SLC6A16: variants seen among roughly 807,000 people sequenced by gnomAD.
SLC6A16 encodes the protein orphan sodium- and chloride-dependent neurotransmitter transporter NTT5.
SLC6A16 carries 54 observed loss-of-function variants against 65.4 expected under a neutral mutation model. That is an observed-to-expected ratio of 0.83 (90% CI 0.66 to 1.04). SLC6A16 has a LOEUF of 1.04. Ranked by LOEUF, SLC6A16 falls within the 50% of genes least tolerant of loss-of-function variation. The probability of loss-of-function intolerance (pLI) is 0.00; values close to 1 mark genes in which losing one functional copy is unlikely to be tolerated. For missense variants in SLC6A16, 816 were observed against 914.0 expected (o/e 0.89, Z 1.38); for synonymous variants, 330 against 346.5 (o/e 0.95, Z 0.53).
At chr19:49,339,148 A>G in the SLC6A16 span, among the ~76,000 whole-genome samples, 36 of 152,176 alleles carry the variant, frequency 2.4e-4, no homozygotes, top group East Asian at 6.6e-3. This position sits in a 1 kb window ranked among gnomAD's most constrained non-coding sequence, Gnocchi z 4.5. Flanking sequence ...ACAGATGTCT[A>G]GGGAGGGGCC....
Position 49,290,655 on chromosome 19 carries a change from C to T in SLC6A16, c.1891G>A (p.Val631Ile), listed in dbSNP as rs1970059888. 1 of 1,614,074 alleles carries T rather than the reference C, an allele frequency of 6.2e-7. No homozygotes were observed. Among genetic ancestry groups the T allele is most frequent in the Non-Finnish European group, 8.5e-7 (1 of 1,179,986 alleles). Reference protein sequence around the residue: ...VLLIIFVTMMVHLCMKPITYM... With the variant: ...VLLIIFVTMMIHLCMKPITYM... ...GTGATCGGCTTCATACAAAGATGAA[C>T]CATCATGGTCACAAAGATGATTAGC... Residue 631 changes from valine (V) to isoleucine (I), a missense_variant, in exon 11 of 12, where the codon GTT becomes ATT. Val to Ile is a conservative substitution (Grantham distance 29). Transcript: ENST00000335875.
chr19:49,315,326 G>A (rs2146151864), intron 1 of SLC6A16, among the ~76,000 whole-genome samples: 1 of 152,324 alleles, frequency 6.6e-6, no homozygotes, highest in South Asian at 2.1e-4. Context: ...TCCAGAAGCT[G>A]TATGCCAGAG....
chr19:49,291,297 G>A (rs569671384), intron 10 of SLC6A16, among the ~76,000 whole-genome samples: 1 of 151,822 alleles, frequency 6.6e-6, no homozygotes, highest in African/African-American at 2.4e-5. Flanking sequence ...CTCTTCTCTA[G>A]GCCACCTTCC....
chr19:49,326,007 A>C (rs1045891817), upstream of SLC6A16, among the ~76,000 whole-genome samples: 3 of 139,306 alleles, frequency 2.2e-5, no homozygotes, highest in Admixed American at 1.4e-4. Context: ...ACTAAAAGTC[A>C]AAAAAAAAAA....
At chr19:49,336,639 G>A in the SLC6A16 span, 1 of 418,248 alleles carries the variant, frequency 2.4e-6, no homozygotes, top group Non-Finnish European at 4.4e-6. Context: ...CAGAACAAGT[G>A]ATAGGGCTGA....
intron 7 of SLC6A16, among the ~76,000 whole-genome samples, chr19:49,303,111 C>A (rs1970318957): frequency 6.6e-6 from 1 of 152,108 alleles, no homozygotes; most frequent in African/African-American, 2.4e-5. Context: ...CATCCAGGTA[C>A]AAGAAGTTCA....
Position 49,293,369 on chromosome 19 carries a change from C to CA in SLC6A16, c.1631dup (p.Leu544PhefsTer24). On this transcript the variant is annotated frameshift_variant, in exon 10 of 12. Coordinates refer to ENST00000335875, the MANE Select transcript of SLC6A16 (RefSeq NM_014037.3). LOFTEE classifies it high-confidence loss of function. ...AGAAGAGGCCGCACACGAACATGAG[C>CA]AAAAAGACTCCCACTGGAGAAAACA... 1 of 1,613,984 alleles carries CA rather than the reference C, an allele frequency of 6.2e-7. No homozygotes were observed. Among genetic ancestry groups the CA allele is most frequent in the Non-Finnish European group, 8.5e-7 (1 of 1,179,976 alleles).
At chr19:49,327,744 G>C (rs1364222097), upstream of SLC6A16, among the ~76,000 whole-genome samples, 3 of 152,238 alleles carry the variant, frequency 2.0e-5, no homozygotes, top group Non-Finnish European at 4.4e-5. Context: ...GACTCTTGGG[G>C]AAAGTGATAT....
rs71180618 is a variant in SLC6A16 at position 49,318,868 on chromosome 19, AT to A, written c.-65+6179del. 8.1e-3 allele frequency among the ~76,000 whole-genome samples: 846 copies of A among 104,562 alleles called. 6 individuals carry two copies. The highest frequency in any genetic ancestry group is 0.03 in the African/African-American group (776 of 25,992). 68.6% of individuals were successfully genotyped at this position (104,562 alleles called of 152,430 possible). A position where few individuals can be genotyped will look rare whatever the true frequency, so the allele number is the denominator to read the frequency against. ...CAGGTGTGCACCACCACAACTGGCTATTTTTTTTTTTTTTTTTTTTTTTTAG... is the reference window on the plus strand; with the variant it reads ...CAGGTGTGCACCACCACAACTGGCTATTTTTTTTTTTTTTTTTTTTTTTAG... On this transcript the variant is annotated intron_variant, in intron 1 of 11. Coordinates refer to ENST00000335875, the MANE Select transcript of SLC6A16 (RefSeq NM_014037.3).
chr19:49,339,287 A>C, the SLC6A16 span: 4 of 1,552,660 alleles, frequency 2.6e-6, no homozygotes, highest in Non-Finnish European at 3.6e-6. The surrounding 1 kb of genome is among the most constrained non-coding windows in gnomAD (Gnocchi z 4.5). Flanking sequence ...TGGGCTTGAG[A>C]GTCCCAGAAA....
At chr19:49,296,725 A>G (rs1220493458) in intron 7 of SLC6A16, among the ~76,000 whole-genome samples, 1 of 152,254 alleles carries the variant, frequency 6.6e-6, no homozygotes, top group Non-Finnish European at 1.5e-5. Context: ...GCGGTGGCTC[A>G]TGCCTGTAAT....
chr19:49,308,761 G>A (rs745923587), intron 7 of SLC6A16, 115 bp downstream of exon 7: 3 of 1,314,110 alleles, frequency 2.3e-6, no homozygotes, highest in East Asian at 2.3e-5. Context: ...GGGCTTGCAA[G>A]TGCACCCAAG....
chr19:49,291,186 A>G (rs754669232), intron 10 of SLC6A16, among the ~76,000 whole-genome samples: 1 of 151,988 alleles, frequency 6.6e-6, no homozygotes, highest in African/African-American at 2.4e-5. Flanking sequence ...CCTTTAGTAC[A>G]TATTCTCAAT....
rs2146128625 is a variant in SLC6A16, at chr19:49,309,714, G to A, written c.813C>T (p.Pro271=). ...GGSPVYSLVL[P]FFLCWCLVGA... ...CAACAAGACACCAGCAAAGAAAGAAGGGCAGGACCAGACTGTAGACTGGTG... is the reference window on the plus strand; with the variant it reads ...CAACAAGACACCAGCAAAGAAAGAAAGGCAGGACCAGACTGTAGACTGGTG... The change falls in exon 5 of 12, where the codon CCC becomes CCT. Residue 271 remains proline, a synonymous_variant. Coordinates refer to ENST00000335875, the MANE Select transcript of SLC6A16 (RefSeq NM_014037.3). 1.2e-6 allele frequency: 2 copies of A among 1,614,078 alleles called. No homozygotes were observed. Among genetic ancestry groups the A allele is most frequent in the Non-Finnish European group, 1.7e-6 (2 of 1,179,992 alleles).
In SLC6A16 at chr19:49,290,118, T is replaced by A. The variant is rs1197210806; in HGVS notation, c.*5A>T. The A allele has an allele frequency of 1.9e-6, 3 of 1,612,884 alleles. No homozygotes were observed. The highest frequency in any genetic ancestry group is 2.2e-5 in the South Asian group (2 of 91,014). ...GATATGTTATGTGAAGCCAAATTAA[T>A]GAAGTTAGGAAGTCACATTACAAGT... On this transcript the variant is annotated 3_prime_UTR_variant, in exon 12 of 12. Transcript: ENST00000335875.
chr19:49,340,015 G>T, the SLC6A16 span: 2 of 1,464,714 alleles, frequency 1.4e-6, no homozygotes, highest in Non-Finnish European at 1.8e-6. Context: ...CCCTGGGCTT[G>T]CTTCCGACCT....
At position 49,289,962 on chromosome 19, in the gene SLC6A16, A is replaced by C; in HGVS notation, c.*161T>G. On this transcript the variant is annotated 3_prime_UTR_variant, in exon 12 of 12. Transcript: ENST00000335875. ...CAGGTAAGATGGGACCCAGGAAGGGATTGCAAGTCCAGGCCCCATGAACAC... is the reference window on the plus strand; with the variant it reads ...CAGGTAAGATGGGACCCAGGAAGGGCTTGCAAGTCCAGGCCCCATGAACAC... 1 of 669,962 alleles carries C rather than the reference A, an allele frequency of 1.5e-6. No homozygotes were observed. Among genetic ancestry groups the C allele is most frequent in the Non-Finnish European group, 2.5e-6 (1 of 398,838 alleles). The allele number at this position is 669,962 out of a possible 1,614,324, so 41.5% of individuals were successfully genotyped here.
chr19:49,337,058 C>A, the SLC6A16 span: 16 of 1,613,410 alleles, frequency 9.9e-6, no homozygotes, highest in Admixed American at 2.7e-4. Context: ...CCTCTCCGTC[C>A]CTAGGAACAC....
chr19:49,338,847 C>A, the SLC6A16 span: 1 of 1,614,120 alleles, frequency 6.2e-7, no homozygotes, highest in Non-Finnish European at 8.5e-7. The surrounding 1 kb of genome is among the most constrained non-coding windows in gnomAD (Gnocchi z 5.0). Flanking sequence ...GGTGATCTTG[C>A]CCCAGCTCAG....
Sources: allele counts gnomAD v4.1 joint callset (sites outside exome capture counted in the v4.1 genomes callset), GRCh38; gene constraint gnomAD v4.1.1; non-coding constraint Gnocchi (gnomAD v3.1); transcripts MANE v1.5; gene names NCBI Gene and HGNC (gene_info 2026-07-23, HGNC 2026-07-21).